PHAF1: variants seen among roughly 807,000 people sequenced by gnomAD.
The protein encoded by PHAF1 is phagophore assembly factor 1.
PHAF1 carries 23 observed loss-of-function variants against 63.1 expected under a neutral mutation model. The ratio of observed to expected loss-of-function variants is 0.36; its 90% CI spans 0.26 to 0.52. PHAF1 has a LOEUF of 0.52. PHAF1 is among the 20% of genes least tolerant of loss of function. The pLI is 0.93. For missense variants in PHAF1, 427 were observed against 517.2 expected (o/e 0.83, Z 1.69); for synonymous variants, 167 against 185.0 (o/e 0.90, Z 0.79).
chr16:67,140,745 G>C (rs1389193574), intron 10 of PHAF1, 151 bp downstream of exon 10: 2 of 646,856 alleles, frequency 3.1e-6, no homozygotes, highest in South Asian at 3.9e-5. Flanking sequence ...TTTTGCATAG[G>C]CTCTGGTACT....
At chr16:67,142,219 C>A (rs1250252522) in intron 10 of PHAF1, among the ~76,000 whole-genome samples, 3 of 152,216 alleles carry the variant, frequency 2.0e-5, no homozygotes, top group Non-Finnish European at 4.4e-5. Context: ...TGGGTAGCTT[C>A]TTCCCACAGT....
chr16:67,118,982 C>T (rs894257101), intron 1 of PHAF1, among the ~76,000 whole-genome samples: 1 of 151,938 alleles, frequency 6.6e-6, no homozygotes, highest in Non-Finnish European at 1.5e-5. Flanking sequence ...TTACTATATT[C>T]CCAGGCTGGT....
chr16:67,132,988 A>G (rs1468018413), intron 6 of PHAF1, 77 bp downstream of exon 6: 4 of 1,194,336 alleles, frequency 3.3e-6, no homozygotes, highest in Middle Eastern at 2.0e-4. Context: ...TGGGATGGGA[A>G]TAGAGGAGTG....
intron 14 of PHAF1, 26 bp from the exon 15 acceptor site, chr16:67,146,252 T>A: frequency 6.2e-7 from 1 of 1,604,562 alleles, no homozygotes; most frequent in Non-Finnish European, 8.5e-7. Flanking sequence ...TGTCTGCCTC[T>A]CTAATTCTGA....
At chr16:67,132,957 A>G (rs1433056977) in intron 6 of PHAF1, 46 bp downstream of exon 6, 4 of 1,449,858 alleles carry the variant, frequency 2.8e-6, no homozygotes, top group East Asian at 2.3e-5. Flanking sequence ...TGTCTGTGGT[A>G]TGGCTCAGCA....
chr16:67,141,297 G>A (rs1017120814), intron 10 of PHAF1, among the ~76,000 whole-genome samples: 2 of 152,202 alleles, frequency 1.3e-5, no homozygotes, highest in Non-Finnish European at 2.9e-5. Context: ...AGAGTAGTAG[G>A]GGAGCTGATG....
chr16:67,139,258 C>T (rs1182956932), intron 8 of PHAF1, among the ~76,000 whole-genome samples: 1 of 150,796 alleles, frequency 6.6e-6, no homozygotes, highest in African/African-American at 2.4e-5. Flanking sequence ...TGCATCTTAC[C>T]ATAGTTGTGT....
intron 1 of PHAF1, among the ~76,000 whole-genome samples, chr16:67,112,700 C>T (rs779141644): frequency 7.9e-5 from 12 of 152,164 alleles, no homozygotes; most frequent in African/African-American, 1.2e-4. Flanking sequence ...ACAGTTCTTA[C>T]AAACTGTCTA....
chr16:67,128,962 C>T (rs1459371042), intron 3 of PHAF1, among the ~76,000 whole-genome samples: 2 of 152,014 alleles, frequency 1.3e-5, no homozygotes, highest in Non-Finnish European at 2.9e-5. Flanking sequence ...TTCCACAGGG[C>T]GGGTGGTGGG....
rs1962447313 is a variant in PHAF1 at position 67,110,133 on chromosome 16, G to T, written c.-43G>T. On this transcript the variant is annotated 5_prime_UTR_variant, in exon 1 of 16. Coordinates refer to ENST00000219139, the MANE Select transcript of PHAF1 (RefSeq NM_025187.5). ...TGTCTCCTTAGCTCGGGTCCCTTCT[G>T]CGCTGCCGCAGGGAGGCCGCCCGGG... The T allele has an allele frequency of 1.3e-6, 2 of 1,548,738 alleles. No homozygotes were observed. Among genetic ancestry groups the T allele is most frequent in the Admixed American group, 2.0e-5 (1 of 51,006 alleles).
chr16:67,128,959 G>C (rs968545761), intron 3 of PHAF1, among the ~76,000 whole-genome samples: 4 of 152,196 alleles, frequency 2.6e-5, no homozygotes, highest in African/African-American at 9.6e-5. Context: ...CACTTCCACA[G>C]GGCGGGTGGT....
intron 3 of PHAF1, among the ~76,000 whole-genome samples, chr16:67,129,029 T>A (rs1446371626): frequency 6.6e-6 from 1 of 152,164 alleles, no homozygotes. Flanking sequence ...GGTGAGTGCC[T>A]GTGCCTGCTA....
intron 8 of PHAF1, among the ~76,000 whole-genome samples, chr16:67,136,600 T>G (rs1050615492): frequency 8.7e-5 from 13 of 150,060 alleles, no homozygotes; most frequent in Admixed American, 6.7e-4. Flanking sequence ...TTTCTTTCTT[T>G]GAGACATGGT....
intron 2 of PHAF1, among the ~76,000 whole-genome samples, chr16:67,123,462 A>G (rs1007283820): frequency 4.6e-5 from 7 of 152,188 alleles, no homozygotes; most frequent in Admixed American, 4.6e-4. Context: ...CTGTAATCCC[A>G]GCTACTGGGG....
chr16:67,115,903 A>G (rs1962714152), intron 1 of PHAF1, among the ~76,000 whole-genome samples: 1 of 152,168 alleles, frequency 6.6e-6, no homozygotes, highest in Admixed American at 6.5e-5. Flanking sequence ...CTATAATCCC[A>G]GCATTTTGGG....
At chr16:67,110,340 C>G in intron 1 of PHAF1, 101 bp downstream of exon 1, 1 of 1,301,730 alleles carries the variant, frequency 7.7e-7, no homozygotes, top group Non-Finnish European at 1.1e-6. Context: ...GCGCCCGCAG[C>G]TCCTCACCTC....
intron 3 of PHAF1, 142 bp downstream of exon 3, chr16:67,126,184 A>T: frequency 1.6e-6 from 1 of 638,304 alleles, no homozygotes. Context: ...CAATGTAGGG[A>T]ACTGAAGCTG....
chr16:67,122,819 C>G (rs1381708043), intron 2 of PHAF1, among the ~76,000 whole-genome samples: 1 of 152,144 alleles, frequency 6.6e-6, no homozygotes, highest in South Asian at 2.1e-4. Context: ...ACTTCCACCT[C>G]CCAGGCTCAA....
intron 15 of PHAF1, among the ~76,000 whole-genome samples, 184 bp downstream of exon 15, chr16:67,146,534 G>T (rs960765132): frequency 1.3e-5 from 2 of 152,224 alleles, no homozygotes. Context: ...GTTCAGAAAT[G>T]ATGTTGAGAA....
Sources: gnomAD v4.1 joint callset for allele counts (sites outside exome capture counted in the v4.1 genomes callset) on GRCh38, gnomAD v4.1.1 for gene constraint, MANE v1.5 for transcripts, NCBI Gene and HGNC (gene_info 2026-07-23, HGNC 2026-07-21) for gene names.